The following SEL1L3 variants were observed in gnomAD, a reference collection of about 807,000 sequenced individuals.
The protein encoded by SEL1L3 is protein sel-1 homolog 3.
A neutral mutation model predicts 142.8 loss-of-function variants in SEL1L3; 76 were observed. The observed-to-expected ratio is 0.53, with a 90% CI of 0.44 to 0.64. SEL1L3 has a LOEUF of 0.64. Ranked by LOEUF, SEL1L3 falls within the 30% of genes least tolerant of loss-of-function variation. SEL1L3 has a pLI of 0.00. For missense variants in SEL1L3, 1,262 were observed against 1,381.7 expected, an observed-to-expected ratio of 0.91 and a Z score of 1.37; for synonymous variants, 504 against 519.6, an observed-to-expected ratio of 0.97 and a Z score of 0.41.
chr4:25,838,909 A>C (rs969259683), intron 2 of SEL1L3, among the ~76,000 whole-genome samples: 6 of 152,234 alleles, frequency 3.9e-5, no homozygotes, highest in African/African-American at 1.4e-4. Flanking sequence ...CCACGTAACA[A>C]AGGTAACACT....
chr4:25,862,469 C>T lies in SEL1L3; in HGVS notation c.162+206G>A, dbSNP rs563944131. Among the ~76,000 whole-genome samples, 116 of 152,234 alleles carry T rather than the reference C, an allele frequency of 7.6e-4. 2 individuals are homozygous for T. The South Asian group carries it at 8.5e-3, about 11-fold the overall frequency. ...AAAGGAATGAGCACGAGCGAGAGAG[C>T]AGCTTGGCAAGTCCGGTCCAAGCGC... On this transcript the variant is annotated intron_variant, in intron 1 of 23. Transcript: ENST00000399878.
chr4:25,718,829 A>C, the SEL1L3 span: 1 of 152,218 alleles, frequency 6.6e-6, no homozygotes, highest in African/African-American at 2.4e-5. Context: ...GCCATGATAC[A>C]TGCTAGTCAT....
At chr4:25,716,226 CAGA>C in the SEL1L3 span, among the ~76,000 whole-genome samples, 13 of 152,036 alleles carry the variant, frequency 8.6e-5, no homozygotes, top group Admixed American at 5.9e-4. Context: ...AAAACACTCA[CAGA>C]AGAAGAAATG....
chr4:25,763,936 A>G (rs549922546), intron 20 of SEL1L3, among the ~76,000 whole-genome samples: 24 of 152,222 alleles, frequency 1.6e-4, no homozygotes, highest in Non-Finnish European at 2.6e-4. Flanking sequence ...TGTAAAGCAC[A>G]ACACCAGAAA....
chr4:25,822,487 T>C (rs73115766), intron 6 of SEL1L3, among the ~76,000 whole-genome samples: 2,245 of 152,312 alleles, frequency 0.015, 56 homozygotes, highest in African/African-American at 0.052. Context: ...GTGGTATTGA[T>C]AGTGGTGGTA....
chr4:25,767,110 G>A (rs1379021030), intron 19 of SEL1L3, among the ~76,000 whole-genome samples: 1 of 152,238 alleles, frequency 6.6e-6, no homozygotes, highest in East Asian at 1.9e-4. Flanking sequence ...TGGCCAACAT[G>A]GTGAAACCCT....
chr4:25,841,481 T>C (rs896758610), intron 2 of SEL1L3, among the ~76,000 whole-genome samples: 1 of 152,206 alleles, frequency 6.6e-6, no homozygotes, highest in Admixed American at 6.5e-5. Context: ...AATAAATAAA[T>C]AGCTTCATGA....
At chr4:25,836,328 C>A (rs1715812286) in intron 2 of SEL1L3, among the ~76,000 whole-genome samples, 2 of 152,114 alleles carry the variant, frequency 1.3e-5, no homozygotes, top group Admixed American at 6.5e-5. Context: ...AAAAGAGAAT[C>A]CACTTAACTC....
At chr4:25,715,874 T>C in the SEL1L3 span, among the ~76,000 whole-genome samples, 1 of 152,170 alleles carries the variant, frequency 6.6e-6, no homozygotes, top group African/African-American at 2.4e-5. Flanking sequence ...ATATTTATTG[T>C]ATTTTGCTTT....
At chr4:25,722,553 C>A in the SEL1L3 span, among the ~76,000 whole-genome samples, 2 of 151,424 alleles carry the variant, frequency 1.3e-5, no homozygotes, top group African/African-American at 4.9e-5. Flanking sequence ...TGAGTCTTTC[C>A]ATAAGGTAAG....
chr4:25,726,639 C>T, the SEL1L3 span, among the ~76,000 whole-genome samples: 2 of 152,078 alleles, frequency 1.3e-5, no homozygotes, highest in Admixed American at 6.5e-5. Flanking sequence ...GAGAGTTACA[C>T]GATGCCGGGA....
intron 1 of SEL1L3, among the ~76,000 whole-genome samples, chr4:25,860,237 T>A (rs1451328350): frequency 1.3e-5 from 2 of 152,234 alleles, no homozygotes; most frequent in Non-Finnish European, 2.9e-5. Flanking sequence ...GTTATTACCA[T>A]GTAGGCTTTC....
At chr4:25,789,584 CA>C (rs55852462) in intron 12 of SEL1L3, among the ~76,000 whole-genome samples, 37,972 of 123,666 alleles carry the variant, frequency 0.31, 5,613 homozygotes, top group East Asian at 0.47. Context: ...GACCCTGAAT[CA>C]AAAAAAAAAA....
At chr4:25,783,754 A>C (rs976403164) in intron 14 of SEL1L3, among the ~76,000 whole-genome samples, 2 of 152,222 alleles carry the variant, frequency 1.3e-5, no homozygotes, top group Admixed American at 6.5e-5. Flanking sequence ...CAAAAGCAAA[A>C]TAATTCCCAA....
the SEL1L3 span, among the ~76,000 whole-genome samples, chr4:25,725,401 G>A: frequency 1.3e-5 from 2 of 149,130 alleles, no homozygotes; most frequent in Non-Finnish European, 3.0e-5. Flanking sequence ...CTGCAGTCTC[G>A]GCCTCCCGGG....
chr4:25,719,879 T>C, the SEL1L3 span: 2 of 152,180 alleles, frequency 1.3e-5, no homozygotes, highest in East Asian at 3.9e-4. Context: ...TAGAGCGAAA[T>C]GTATATTTAA....
At position 25,847,586 on chromosome 4, in the gene SEL1L3, A is replaced by C; in HGVS notation, c.441T>G (p.His147Gln). ...HLHTSRTQIV[H>Q]VKFPSIMVYR... ...AAACCATAATGCTTGGAAATTTCAC[A>C]TGTACTATTTGTGTCCTGCTGGTGT... The change falls in exon 2 of 24, where the codon CAT becomes CAG. Residue 147 changes from histidine (H) to glutamine (Q), a missense_variant. By Grantham distance (24) the His-to-Gln change is conservative. This residue lies in a region of SEL1L3 where 689 missense variants were observed against 692.8 expected (regional missense o/e 0.99). Transcript: ENST00000399878. 1.2e-6 allele frequency: 2 copies of C among 1,613,996 alleles called. No individual in the cohort carries two copies. Among genetic ancestry groups the C allele is most frequent in the Non-Finnish European group, 1.7e-6 (2 of 1,179,900 alleles).
chr4:25,728,768 G>A, the SEL1L3 span, among the ~76,000 whole-genome samples: 1 of 151,622 alleles, frequency 6.6e-6, no homozygotes, highest in Non-Finnish European at 1.5e-5. Flanking sequence ...GTCTACTTGG[G>A]AGGCTGGGGC....
rs139939101 is a variant in SEL1L3 at position 25,859,105 on chromosome 4, CCTCAGG to C, written c.162+3564_162+3569del. ...TATCACAGATAGAGAGCTGGGGCAG[CCTCAGG>C]CTGGTTCTAGCCAAGTTGGAAGAAG... is the stretch of plus-strand genomic sequence containing the variant. On this transcript the variant is annotated intron_variant, in intron 1 of 23. Coordinates refer to ENST00000399878, the MANE Select transcript of SEL1L3 (RefSeq NM_015187.5). Among the ~76,000 whole-genome samples, 37 of 152,354 alleles carry C rather than the reference CCTCAGG, an allele frequency of 2.4e-4. No homozygotes were observed. The East Asian group carries it at 6.2e-3, about 25-fold the overall frequency.
Sources: gnomAD v4.1 joint callset for allele counts (sites outside exome capture counted in the v4.1 genomes callset) on GRCh38, gnomAD v4.1.1 for gene constraint, gnomAD v4.1.1 regional missense constraint, MANE v1.5 for transcripts, NCBI Gene and HGNC (gene_info 2026-07-23, HGNC 2026-07-21) for gene names.